SCAF8: variants seen among roughly 807,000 people sequenced by gnomAD.
The protein encoded by SCAF8 is SR-related CTD associated factor 8, also known as SR-related and CTD-associated factor 8.
Under a neutral mutation model 140.5 loss-of-function variants are expected in SCAF8, and 23 were observed. That is an observed-to-expected ratio of 0.16 (90% CI 0.12 to 0.23). SCAF8 has a LOEUF of 0.23. Ranked by LOEUF, SCAF8 falls within the 10% of genes least tolerant of loss-of-function variation. SCAF8 has a pLI of 1.00. For synonymous variants in SCAF8, 575 were observed against 528.9 expected (o/e 1.09, Z -1.20); for missense variants, 1,397 against 1,555.7 (o/e 0.90, Z 1.72).
At chr6:154,796,070 A>G (rs1777592598) in intron 6 of SCAF8, among the ~76,000 whole-genome samples, 1 of 152,102 alleles carries the variant, frequency 6.6e-6, no homozygotes. Context: ...GTACTTACAT[A>G]TAGTTTTCTT....
At chr6:154,766,441 C>A (rs1225418065) in intron 1 of SCAF8, among the ~76,000 whole-genome samples, 1 of 152,122 alleles carries the variant, frequency 6.6e-6, no homozygotes, top group Non-Finnish European at 1.5e-5. Context: ...AAAAATAAAT[C>A]AAAAGCAGTC....
chr6:154,789,202 G>A (rs942269133), intron 4 of SCAF8, among the ~76,000 whole-genome samples: 32 of 151,816 alleles, frequency 2.1e-4, no homozygotes, highest in Middle Eastern at 3.4e-3. Context: ...TCTGCCTCCC[G>A]GGTTCAAGTG....
intron 1 of SCAF8, among the ~76,000 whole-genome samples, chr6:154,738,729 A>G (rs1372515853): frequency 6.6e-6 from 1 of 152,194 alleles, no homozygotes; most frequent in Non-Finnish European, 1.5e-5. Flanking sequence ...TTCCTAGTGA[A>G]AAGGGTCGCA....
chr6:154,779,804 C>CTT (rs1232046887), intron 3 of SCAF8, among the ~76,000 whole-genome samples: 2 of 144,352 alleles, frequency 1.4e-5, no homozygotes, highest in Non-Finnish European at 1.5e-5. Flanking sequence ...TATATATACA[C>CTT]TTTTTTTTTA....
intron 7 of SCAF8, 94 bp from the exon 8 acceptor site, chr6:154,803,450 A>G (rs1777827048): frequency 1.2e-6 from 1 of 822,730 alleles, no homozygotes; most frequent in Admixed American, 1.9e-5. Context: ...AATGATAGAT[A>G]TAACGGAATG....
chr6:154,762,033 C>CT (rs1776417087), intron 1 of SCAF8, among the ~76,000 whole-genome samples: 4 of 152,162 alleles, frequency 2.6e-5, no homozygotes, highest in Admixed American at 2.6e-4. Flanking sequence ...TTAATTTCTA[C>CT]TTTGAGTTAT....
At chr6:154,806,375 A>G (rs1474465548) in intron 9 of SCAF8, among the ~76,000 whole-genome samples, 1 of 152,192 alleles carries the variant, frequency 6.6e-6, no homozygotes, top group Non-Finnish European at 1.5e-5. Context: ...TCCCCAGCAT[A>G]CATCCTAATA....
At chr6:154,798,411 A>T (rs1431670900) in intron 6 of SCAF8, among the ~76,000 whole-genome samples, 1 of 151,452 alleles carries the variant, frequency 6.6e-6, no homozygotes, top group Non-Finnish European at 1.5e-5. Context: ...AGTCTTTCAA[A>T]CAAAACCTGC....
intron 1 of SCAF8, among the ~76,000 whole-genome samples, chr6:154,761,405 G>T (rs1443830329): frequency 6.6e-6 from 1 of 152,046 alleles, no homozygotes; most frequent in Non-Finnish European, 1.5e-5. Flanking sequence ...AGAATTGCTT[G>T]AATCCTGGAG....
chr6:154,786,441 G>A (rs543970890), intron 3 of SCAF8, among the ~76,000 whole-genome samples: 4 of 152,360 alleles, frequency 2.6e-5, no homozygotes, highest in South Asian at 2.1e-4. Context: ...CAGAGGCTGC[G>A]TGACCCTAAA....
At chr6:154,807,594 TG>T (rs1180615953) in intron 9 of SCAF8, among the ~76,000 whole-genome samples, 4 of 152,202 alleles carry the variant, frequency 2.6e-5, no homozygotes, top group Admixed American at 2.0e-4. Context: ...TTGGCCAGGC[TG>T]GTCTTGAACT....
intron 1 of SCAF8, among the ~76,000 whole-genome samples, chr6:154,764,980 C>T (rs1033246678): frequency 1.3e-5 from 2 of 152,110 alleles, no homozygotes; most frequent in East Asian, 3.8e-4. Flanking sequence ...AATAAATTAT[C>T]CATTGGATAA....
At chr6:154,748,672 C>G (rs2114803890) in intron 1 of SCAF8, among the ~76,000 whole-genome samples, 1 of 152,254 alleles carries the variant, frequency 6.6e-6, no homozygotes, top group East Asian at 1.9e-4. Flanking sequence ...AATTCCAAAT[C>G]CTTATTCTCA....
intron 1 of SCAF8, among the ~76,000 whole-genome samples, chr6:154,748,312 G>A (rs1778755621): frequency 6.6e-6 from 1 of 152,196 alleles, no homozygotes; most frequent in African/African-American, 2.4e-5. Context: ...GAATAAATGA[G>A]AAGGAGAATA....
Position 154,832,144 on chromosome 6 carries a change from G to T in SCAF8, c.2565G>T (p.Leu855Phe), listed in dbSNP as rs1329535747. Residue 855 changes from leucine to phenylalanine, a missense_variant, in exon 20 of 20, where the codon TTG (leucine) becomes TTT (phenylalanine). Physicochemically the swap from Leu to Phe is conservative, Grantham distance 22. Transcript: ENST00000367178. ...ATATTCTAAATAACTCTGGAATATT[G>T]GGAATACAGCCACCCAGTGTGTCAA... ...PPNILNNSGI[L>F]GIQPPSVSNS... is the part of the protein sequence containing the mutation. The T allele has an allele frequency of 6.2e-7, 1 of 1,613,822 alleles. No homozygotes were observed. The highest frequency in any genetic ancestry group is 8.5e-7 in the Non-Finnish European group (1 of 1,179,954).
intron 5 of SCAF8, among the ~76,000 whole-genome samples, chr6:154,793,838 A>AAAAG (rs1554261617): frequency 6.7e-6 from 1 of 149,726 alleles, no homozygotes; most frequent in Non-Finnish European, 1.5e-5. Flanking sequence ...AAAAAAAAAA[A>AAAAG]ATTTTTTTAA....
At chr6:154,737,721 C>T (rs1049892733) in intron 1 of SCAF8, among the ~76,000 whole-genome samples, 2 of 151,986 alleles carry the variant, frequency 1.3e-5, no homozygotes, top group Non-Finnish European at 2.9e-5. Context: ...GACAGGTACT[C>T]GCTGTTGACA....
At chr6:154,778,406 T>G (rs1440563583) in intron 3 of SCAF8, among the ~76,000 whole-genome samples, 1 of 152,218 alleles carries the variant, frequency 6.6e-6, no homozygotes, top group Non-Finnish European at 1.5e-5. Context: ...AATAAGTTAG[T>G]TAGCCTTTAT....
At chr6:154,799,716 A>G (rs1278642961) in intron 6 of SCAF8, among the ~76,000 whole-genome samples, 1 of 151,050 alleles carries the variant, frequency 6.6e-6, no homozygotes, top group Non-Finnish European at 1.5e-5. Flanking sequence ...TCATATATTC[A>G]TATGGTTTCA....
Sources: gnomAD v4.1 joint callset for allele counts (sites outside exome capture counted in the v4.1 genomes callset) on GRCh38, gnomAD v4.1.1 for gene constraint, MANE v1.5 for transcripts, NCBI Gene and HGNC (gene_info 2026-07-23, HGNC 2026-07-21) for gene names.